CERKL: variants seen among roughly 807,000 people sequenced by gnomAD.
CERKL encodes the protein ceramide kinase-like protein.
In CERKL, 61 loss-of-function variants were observed where a neutral mutation model predicts 63.4. The observed-to-expected ratio is 0.96, with a 90% CI of 0.78 to 1.19. The LOEUF (loss-of-function observed/expected upper bound fraction) is 1.19, where lower values mean the gene tolerates loss of function less well. Among genes scored for constraint, CERKL ranks in the 50% most tolerant of loss-of-function variants. CERKL has a pLI of 0.00. For synonymous variants in CERKL, 250 were observed against 230.5 expected (o/e 1.08, Z -0.77); for missense variants, 675 against 655.5 (o/e 1.03, Z -0.33).
intron 1 of CERKL, among the ~76,000 whole-genome samples, chr2:181,621,442 T>C (rs981789311): frequency 6.6e-6 from 1 of 152,170 alleles, no homozygotes; most frequent in African/African-American, 2.4e-5. Flanking sequence ...GGAGTAGAAA[T>C]TAGAGGAAGC....
At position 181,537,394 on chromosome 2, in the gene CERKL, C is replaced by A. The variant is rs1029755672; in HGVS notation, c.*790G>T. The A allele has an allele frequency of 8.9e-6, 4 of 451,774 alleles. No individual in the cohort carries two copies. The highest frequency in any genetic ancestry group is 1.8e-5 in the Non-Finnish European group (4 of 225,390). 28.0% of individuals were successfully genotyped at this position (451,774 alleles called of 1,614,324 possible). ...CAATTACATATTGGGCTAGATTTTG[C>A]CCAGTTCAAAATAGTATTTGTTATC... On this transcript the variant is annotated 3_prime_UTR_variant, in exon 13 of 13. Coordinates refer to ENST00000410087, the MANE Select transcript of CERKL (RefSeq NM_201548.5).
intron 1 of CERKL, among the ~76,000 whole-genome samples, chr2:181,642,426 G>GT (rs897883123): frequency 6.6e-6 from 1 of 152,132 alleles, no homozygotes; most frequent in Non-Finnish European, 1.5e-5. Flanking sequence ...TTTTGAAATT[G>GT]TTTTTTCTCA....
intron 2 of CERKL, among the ~76,000 whole-genome samples, chr2:181,580,641 T>G (rs1168544188): frequency 6.6e-6 from 1 of 152,200 alleles, no homozygotes; most frequent in African/African-American, 2.4e-5. Context: ...ATAAACATAT[T>G]TATCATGTTG....
Position 181,566,105 on chromosome 2 carries a change from C to A in CERKL, c.630G>T (p.Gly210=), listed in dbSNP as rs1688655595. The change falls in exon 4 of 13, where the codon GGG becomes GGT. Residue 210 remains glycine (G), a synonymous_variant. Transcript: ENST00000410087. ...ATTCCTTAAGCAGTGACAGAGCGTGCCCTTCATATTCCATTACTATTAAAA... is the reference window on the plus strand; with the variant it reads ...ATTCCTTAAGCAGTGACAGAGCGTGACCTTCATATTCCATTACTATTAAAA... ...KTDVTIMEYE[G]HALSLLKECE... 1 of 1,610,486 alleles carries A rather than the reference C, an allele frequency of 6.2e-7. No individual in the cohort carries two copies. The highest frequency in any genetic ancestry group is 1.1e-5 in the South Asian group (1 of 91,010).
rs773410577 is a variant in CERKL, at chr2:181,547,809, CTT to C, written c.1159+11_1159+12del. On this transcript the variant is annotated intron_variant, in intron 9 of 12. Coordinates refer to ENST00000410087, the MANE Select transcript of CERKL (RefSeq NM_201548.5). ...ACCTGGCACAGTTCTCAAGGAGATACTTTTCGACTCACCAGATTTGGGAGATC... is the reference window on the plus strand; with the variant it reads ...ACCTGGCACAGTTCTCAAGGAGATACTTCGACTCACCAGATTTGGGAGATC... 1 of 1,614,028 alleles carries C rather than the reference CTT, an allele frequency of 6.2e-7. No individual in the cohort carries two copies. Among genetic ancestry groups the C allele is most frequent in the South Asian group, 1.1e-5 (1 of 91,086 alleles).
intron 1 of CERKL, among the ~76,000 whole-genome samples, chr2:181,648,463 TGGA>T (rs1373564305): frequency 6.6e-6 from 1 of 152,036 alleles, no homozygotes; most frequent in African/African-American, 2.4e-5. Context: ...AAAACTATCC[TGGA>T]GGAGAATAAA....
chr2:181,641,471 G>A (rs1574059963), intron 1 of CERKL, among the ~76,000 whole-genome samples: 1 of 151,666 alleles, frequency 6.6e-6, no homozygotes, highest in Admixed American at 6.6e-5. Context: ...TTACAGGTAT[G>A]AGCTACCGTG....
intron 4 of CERKL, among the ~76,000 whole-genome samples, chr2:181,562,397 C>T (rs185934481): frequency 7.8e-4 from 119 of 152,250 alleles, no homozygotes; most frequent in African/African-American, 2.6e-3. Flanking sequence ...TCAGGACCCC[C>T]CTGGGGTTAT....
At chr2:181,551,486 A>C (rs1687985224) in intron 5 of CERKL, among the ~76,000 whole-genome samples, 1 of 152,156 alleles carries the variant, frequency 6.6e-6, no homozygotes, top group African/African-American at 2.4e-5. Flanking sequence ...AAATTCCATC[A>C]AAAAGTGGGC....
intron 3 of CERKL, among the ~76,000 whole-genome samples, chr2:181,571,015 G>A (rs1688878912): frequency 6.6e-6 from 1 of 151,978 alleles, no homozygotes; most frequent in South Asian, 2.1e-4. Context: ...ATCTTACTAT[G>A]ACATAATTTT....
rs1230451048 is a variant in CERKL at position 181,537,165 on chromosome 2, C to CAGGAGAACATCTAGGATCATAGATGA, written c.*993_*1018dup. On this transcript the variant is annotated 3_prime_UTR_variant, in exon 13 of 13. Transcript: ENST00000410087. Reference sequence around the variant, plus strand: ...GTTATAAAAAGGCTAGTCATTCTTTCAGGAGAACATCTAGGATCATAGATG... The same window carrying CAGGAGAACATCTAGGATCATAGATGA: ...GTTATAAAAAGGCTAGTCATTCTTTCAGGAGAACATCTAGGATCATAGATGAAGGAGAACATCTAGGATCATAGATG... The CAGGAGAACATCTAGGATCATAGATGA allele has an allele frequency of 4.4e-6, 2 of 453,884 alleles. No homozygotes were observed. The highest frequency in any genetic ancestry group is 4.7e-5 in the Admixed American group (2 of 42,542). The allele number at this position is 453,884 out of a possible 1,614,324, so 28.1% of individuals were successfully genotyped here. A position where few individuals can be genotyped will look rare whatever the true frequency, so the allele number is the denominator to read the frequency against.
chr2:181,618,709 T>C (rs1686321960), intron 1 of CERKL, among the ~76,000 whole-genome samples: 1 of 152,142 alleles, frequency 6.6e-6, no homozygotes, highest in African/African-American at 2.4e-5. Context: ...ACCATGCCCA[T>C]CTTTTTGGTT....
chr2:181,633,312 C>G (rs544645774), intron 1 of CERKL, among the ~76,000 whole-genome samples: 3 of 152,060 alleles, frequency 2.0e-5, no homozygotes, highest in Admixed American at 6.6e-5. Flanking sequence ...TGAATGAGCA[C>G]GGAGATGGAA....
chr2:181,559,496 G>C (rs1688347299), intron 4 of CERKL, among the ~76,000 whole-genome samples: 1 of 152,080 alleles, frequency 6.6e-6, no homozygotes, highest in Non-Finnish European at 1.5e-5. Context: ...ACAACTCAAG[G>C]GCTACAAGGG....
chr2:181,606,906 T>C (rs1179354345), intron 1 of CERKL, among the ~76,000 whole-genome samples: 1 of 152,234 alleles, frequency 6.6e-6, no homozygotes, highest in African/African-American at 2.4e-5. Flanking sequence ...CAGTAAATAC[T>C]AATTGATTAA....
intron 1 of CERKL, among the ~76,000 whole-genome samples, chr2:181,620,291 T>G (rs573474811): frequency 1.3e-5 from 2 of 152,310 alleles, no homozygotes; most frequent in South Asian, 4.2e-4. Flanking sequence ...GATAGTCATA[T>G]GTACTTTGCT....
intron 2 of CERKL, among the ~76,000 whole-genome samples, chr2:181,590,187 G>A (rs747116923): frequency 6.6e-6 from 1 of 150,976 alleles, no homozygotes; most frequent in Non-Finnish European, 1.5e-5. Flanking sequence ...GCCCACTCTG[G>A]AGTGCAGTGG....
At chr2:181,628,087 A>T (rs1055680600) in intron 1 of CERKL, among the ~76,000 whole-genome samples, 1 of 81,814 alleles carries the variant, frequency 1.2e-5, no homozygotes, top group African/African-American at 7.4e-5. Flanking sequence ...TGCTCAGAAC[A>T]TTTTTTTGTG....
chr2:181,542,164 A>G (rs1687536586), intron 11 of CERKL, among the ~76,000 whole-genome samples: 1 of 152,180 alleles, frequency 6.6e-6, no homozygotes, highest in Non-Finnish European at 1.5e-5. Context: ...GGACAGTGAG[A>G]AGGGGGGCAA....
Sources: gnomAD v4.1 joint callset for allele counts (sites outside exome capture counted in the v4.1 genomes callset) on GRCh38, gnomAD v4.1.1 for gene constraint, MANE v1.5 for transcripts, NCBI Gene and HGNC (gene_info 2026-07-23, HGNC 2026-07-21) for gene names.